The following APC variants were observed in gnomAD, a reference collection of about 807,000 sequenced individuals.
The protein encoded by APC is adenomatous polyposis coli protein.
APC carries 72 observed loss-of-function variants against 247.0 expected under a neutral mutation model. The observed-to-expected ratio is 0.29, with a 90% CI of 0.24 to 0.35. The LOEUF (loss-of-function observed/expected upper bound fraction) is 0.35. APC is among the 10% of genes least tolerant of loss of function. APC has a pLI of 1.00. For missense variants in APC, 3,400 were observed against 3,360.7 expected, an observed-to-expected ratio of 1.01 and a Z score of -0.29; for synonymous variants, 1,254 against 1,162.5, an observed-to-expected ratio of 1.08 and a Z score of -1.60.
chr5:112,801,074 A>T (rs769540062), intron 7 of APC, among the ~76,000 whole-genome samples: 24 of 152,162 alleles, frequency 1.6e-4, no homozygotes, highest in Non-Finnish European at 2.6e-4. Flanking sequence ...TCTAATGCTC[A>T]AGGGACACAC....
chr5:112,731,675 T>C (rs1031824372), intron 1 of APC, among the ~76,000 whole-genome samples: 1 of 152,226 alleles, frequency 6.6e-6, no homozygotes, highest in Non-Finnish European at 1.5e-5. Flanking sequence ...TTTTAAAATA[T>C]CATTGCCTAT....
At chr5:112,816,830 T>C (rs1398825447) in intron 9 of APC, among the ~76,000 whole-genome samples, 1 of 151,974 alleles carries the variant, frequency 6.6e-6, no homozygotes, top group East Asian at 1.9e-4. Context: ...AGTTACTTTA[T>C]TATTTTAAAG....
intron 8 of APC, among the ~76,000 whole-genome samples, chr5:112,814,100 A>G (rs1299024276): frequency 6.6e-6 from 1 of 152,238 alleles, no homozygotes; most frequent in Non-Finnish European, 1.5e-5. Context: ...CAGCGAACAG[A>G]ATAAAGTTTC....
intron 9 of APC, among the ~76,000 whole-genome samples, 195 bp from the exon 10 acceptor site, chr5:112,818,771 G>A (rs900408434): frequency 6.7e-6 from 1 of 148,770 alleles, no homozygotes; most frequent in Admixed American, 6.7e-5. Flanking sequence ...ACAAATTGGT[G>A]ATGATACATA....
intron 9 of APC, among the ~76,000 whole-genome samples, chr5:112,817,211 A>G (rs2149770997): frequency 6.6e-6 from 1 of 152,310 alleles, no homozygotes; most frequent in Non-Finnish European, 1.5e-5. Flanking sequence ...ATGAAATTCT[A>G]ATATTACTAA....
intron 7 of APC, among the ~76,000 whole-genome samples, chr5:112,796,006 C>A (rs112124239): frequency 6.6e-6 from 1 of 152,072 alleles, no homozygotes; most frequent in Non-Finnish European, 1.5e-5. Flanking sequence ...AGAATACCTG[C>A]GGTTTCTGAA....
chr5:112,801,635 G>A (rs543738405), intron 8 of APC, among the ~76,000 whole-genome samples: 1 of 151,680 alleles, frequency 6.6e-6, no homozygotes, highest in South Asian at 2.1e-4. Flanking sequence ...ATGATTGTGA[G>A]TAGTTTTTTT....
At chr5:112,707,728 C>G in exon 1 of APC, 2 of 1,370,662 alleles carry the variant, frequency 1.5e-6, no homozygotes, top group Non-Finnish European at 1.9e-6. Context: ...ATGTACGCCT[C>G]CCTGGGCTCG....
At chr5:112,804,239 C>T (rs1400948790) in intron 8 of APC, among the ~76,000 whole-genome samples, 9 of 152,320 alleles carry the variant, frequency 5.9e-5, no homozygotes, top group African/African-American at 1.9e-4. Flanking sequence ...TAGTGCTTAG[C>T]ACAATTTATC....
chr5:112,766,605 A>C (rs969369440), intron 3 of APC, among the ~76,000 whole-genome samples, 195 bp downstream of exon 3: 3 of 152,164 alleles, frequency 2.0e-5, no homozygotes, highest in Non-Finnish European at 2.9e-5. Flanking sequence ...TCTTCAGTTA[A>C]ACATTTAACT....
At chr5:112,825,671 G>A (rs1168101731) in intron 11 of APC, among the ~76,000 whole-genome samples, 4 of 152,216 alleles carry the variant, frequency 2.6e-5, no homozygotes, top group African/African-American at 7.2e-5. Flanking sequence ...GGGCAACATA[G>A]TGGCACCCTG....
At chr5:112,753,642 A>T (rs1581117643) in intron 1 of APC, among the ~76,000 whole-genome samples, 1 of 152,126 alleles carries the variant, frequency 6.6e-6, no homozygotes, top group Non-Finnish European at 1.5e-5. Flanking sequence ...ATTGGATTGT[A>T]CCAGGTTTAC....
chr5:112,776,720 A>G (rs1351134546), intron 5 of APC, among the ~76,000 whole-genome samples: 1 of 152,158 alleles, frequency 6.6e-6, no homozygotes, highest in Non-Finnish European at 1.5e-5. Flanking sequence ...GCATGCCTGT[A>G]ATCTCAGCTA....
chr5:112,739,480 A>G (rs1399837805), intron 1 of APC, among the ~76,000 whole-genome samples: 1 of 152,258 alleles, frequency 6.6e-6, no homozygotes, highest in South Asian at 2.1e-4. Context: ...ATAAGACTAC[A>G]TAAGTTTTTC....
In APC at chr5:112,843,469, T is replaced by C. The variant is rs2149995309; in HGVS notation, c.7875T>C (p.Ser2625=). ...AAAATGAATTTTCTCCCACAAATAGTACTTCTCAGACCGTTTCCTCAGGTG... is the reference window on the plus strand; with the variant it reads ...AAAATGAATTTTCTCCCACAAATAGCACTTCTCAGACCGTTTCCTCAGGTG... ...IKENEFSPTN[S]TSQTVSSGAT... Residue 2625 remains serine, a synonymous_variant, in exon 16 of 16, where the codon AGT becomes AGC. Coordinates refer to ENST00000257430, the MANE Select transcript of APC (RefSeq NM_000038.6). The surrounding 1 kb of genome is among the most constrained non-coding windows in gnomAD (Gnocchi z 4.8). 6.2e-7 allele frequency: 1 copy of C among 1,613,954 alleles called. No homozygotes were observed.
chr5:112,842,987 C>G lies in APC; in HGVS notation c.7393C>G (p.Leu2465Val), dbSNP rs1455101572. 3 of 1,614,086 alleles carry G rather than the reference C, an allele frequency of 1.9e-6. No individual in the cohort carries two copies. Among genetic ancestry groups the G allele is most frequent in the African/African-American group, 1.3e-5 (1 of 75,040 alleles). ...KLEESASFES[L>V]SPSSRPASPT... Reference sequence around the variant, plus strand: ...GGAGGAATCTGCTTCATTTGAATCTCTTTCTCCATCATCTAGACCAGCTTC... The same window carrying G: ...GGAGGAATCTGCTTCATTTGAATCTGTTTCTCCATCATCTAGACCAGCTTC... The change falls in exon 16 of 16, where the codon CTT (leucine) becomes GTT (valine). Residue 2465 changes from leucine to valine, a missense_variant. Physicochemically the swap from Leu to Val is conservative, Grantham distance 32. This residue lies in a region of APC where 1,788 missense variants were observed against 1,649.5 expected (regional missense o/e 1.08). Coordinates refer to ENST00000257430, the MANE Select transcript of APC (RefSeq NM_000038.6).
intron 12 of APC, among the ~76,000 whole-genome samples, 189 bp from the exon 13 acceptor site, chr5:112,827,740 A>G (rs1331143738): frequency 6.6e-6 from 1 of 152,264 alleles, no homozygotes; most frequent in Non-Finnish European, 1.5e-5. Flanking sequence ...AAGGAAGAAC[A>G]GATAGCAAAG....
rs542301755 is a variant in APC at position 112,737,947 on chromosome 5, G to C, written c.-19+22G>C. On this transcript the variant is annotated intron_variant, in intron 1 of 15. Transcript: ENST00000257430. ...TGGGGTAGGTGCTGGAGCCACCATG[G>C]CCAGGCTTGCTGCGGGGGGAGGGGG... 16 of 986,176 alleles carry C rather than the reference G, an allele frequency of 1.6e-5. No individual in the cohort carries two copies. In the Admixed American group the frequency reaches 6.1e-4, roughly 38 times the overall value. 61.1% of individuals were successfully genotyped at this position (986,176 alleles called of 1,614,324 possible). A position where few individuals can be genotyped will look rare whatever the true frequency, so the allele number is the denominator to read the frequency against.
In APC at chr5:112,754,957, C is replaced by G. The variant is rs372367350; in HGVS notation, c.67C>G (p.Leu23Val). Residue 23 changes from leucine (L) to valine (V), a missense_variant, in exon 2 of 16, where the codon CTT becomes GTT. Leu to Val is a conservative substitution (Grantham distance 32). Coordinates refer to ENST00000257430, the MANE Select transcript of APC (RefSeq NM_000038.6). ...VEALKMENSN[L>V]RQELEDNSNH... Reference sequence around the variant, plus strand: ...GGCACTGAAGATGGAGAACTCAAATCTTCGACAAGAGCTAGAAGATAATTC... The same window carrying G: ...GGCACTGAAGATGGAGAACTCAAATGTTCGACAAGAGCTAGAAGATAATTC... The G allele has an allele frequency of 3.1e-6, 5 of 1,613,740 alleles. No homozygotes were observed. Among genetic ancestry groups the G allele is most frequent in the Non-Finnish European group, 4.2e-6 (5 of 1,179,840 alleles).
Sources: allele counts gnomAD v4.1 joint callset (sites outside exome capture counted in the v4.1 genomes callset), GRCh38; gene constraint gnomAD v4.1.1; regional missense constraint gnomAD v4.1.1; non-coding constraint Gnocchi (gnomAD v3.1); transcripts MANE v1.5; gene names NCBI Gene and HGNC (gene_info 2026-07-23, HGNC 2026-07-21).